The following RFX4 variants were observed in gnomAD, a reference collection of about 807,000 sequenced individuals.
RFX4 encodes the protein transcription factor RFX4.
A neutral mutation model predicts 95.0 loss-of-function variants in RFX4; 10 were observed. That is an observed-to-expected ratio of 0.11 (90% CI 0.06 to 0.18). RFX4 has a LOEUF of 0.18. Among genes scored for constraint, RFX4 ranks in the 10% least tolerant of loss-of-function variants. The pLI is 1.00. For synonymous variants in RFX4, 321 were observed against 340.7 expected (o/e 0.94, Z 0.64); for missense variants, 640 against 922.0 (o/e 0.69, Z 3.96).
rs904749441 is a variant in RFX4, at chr12:106,583,246, C to T, written c.-75C>T. Reference sequence around the variant, plus strand: ...TCTCCCTCCCTCCCTCCCTTCCTCCCTGGGCATCTCTAGCACAGGGGATCC... The same window carrying T: ...TCTCCCTCCCTCCCTCCCTTCCTCCTTGGGCATCTCTAGCACAGGGGATCC... On this transcript the variant is annotated 5_prime_UTR_variant, in exon 1 of 18. Transcript: ENST00000392842. 7.2e-7 allele frequency: 1 copy of T among 1,392,186 alleles called. No individual in the cohort carries two copies. The highest frequency in any genetic ancestry group is 9.7e-7 in the Non-Finnish European group (1 of 1,028,154). 86.2% of individuals were successfully genotyped at this position (1,392,186 alleles called of 1,614,324 possible). A position where few individuals can be genotyped will look rare whatever the true frequency, so the allele number is the denominator to read the frequency against.
At chr12:106,760,874 AAC>A (rs1428262108) in intron 17 of RFX4, among the ~76,000 whole-genome samples, 1 of 152,042 alleles carries the variant, frequency 6.6e-6, no homozygotes, top group Admixed American at 6.5e-5. Context: ...GTGTGTGACA[AAC>A]ACACACTTTC....
chr12:106,693,464 G>T (rs1181756590), intron 7 of RFX4, among the ~76,000 whole-genome samples: 1 of 152,156 alleles, frequency 6.6e-6, no homozygotes, highest in East Asian at 1.9e-4. Flanking sequence ...AGGGGGTACG[G>T]CTGCCTGCAA....
chr12:106,686,801 G>T, intron 5 of RFX4, 83 bp from the exon 6 acceptor site: 1 of 1,353,136 alleles, frequency 7.4e-7, no homozygotes, highest in East Asian at 2.3e-5. Flanking sequence ...TCCCTACTCA[G>T]GAAACCTCAC....
chr12:106,647,526 C>G (rs1263146641), intron 3 of RFX4, among the ~76,000 whole-genome samples: 1 of 151,912 alleles, frequency 6.6e-6, no homozygotes, highest in Non-Finnish European at 1.5e-5. Flanking sequence ...AATAAAATAC[C>G]AGAATCCCTT....
At chr12:106,607,537 C>A (rs2039862839) in intron 1 of RFX4, among the ~76,000 whole-genome samples, 1 of 109,144 alleles carries the variant, frequency 9.2e-6, no homozygotes, top group Admixed American at 1.5e-4. Flanking sequence ...TGAGTGTGTT[C>A]TGCATATTTC....
intron 5 of RFX4, 75 bp from the exon 6 acceptor site, chr12:106,686,809 C>T: frequency 7.1e-7 from 1 of 1,406,612 alleles, no homozygotes; most frequent in South Asian, 1.3e-5. Context: ...CAGGAAACCT[C>T]ACTTAATAAC....
Position 106,607,787 on chromosome 12 carries a change from A to G in RFX4, c.44-1010A>G, listed in dbSNP as rs117854928. Reference sequence around the variant, plus strand: ...GATGAATGAATGAATGAATGAATGAATGGTGGGTGGTCTAGAAAACAGAAT... The same window carrying G: ...GATGAATGAATGAATGAATGAATGAGTGGTGGGTGGTCTAGAAAACAGAAT... On this transcript the variant is annotated intron_variant, in intron 1 of 17. Transcript: ENST00000392842. 7.9e-4 allele frequency among the ~76,000 whole-genome samples: 118 copies of G among 149,564 alleles called. No individual in the cohort carries two copies. In the East Asian group the frequency reaches 0.022, roughly 27 times the overall value.
At chr12:106,597,496 A>G (rs1399730158) in intron 1 of RFX4, among the ~76,000 whole-genome samples, 1 of 152,212 alleles carries the variant, frequency 6.6e-6, no homozygotes, top group Non-Finnish European at 1.5e-5. Context: ...TGCTTAAATC[A>G]TGTAGGCACC....
chr12:106,660,098 G>T (rs978936004), intron 4 of RFX4, among the ~76,000 whole-genome samples: 5 of 152,012 alleles, frequency 3.3e-5, no homozygotes, highest in Non-Finnish European at 5.9e-5. Context: ...CAGCACCCGG[G>T]TTCATCCATT....
At chr12:106,731,984 G>A in intron 13 of RFX4, 146 bp from the exon 14 acceptor site, 1 of 1,165,616 alleles carries the variant, frequency 8.6e-7, no homozygotes, top group Middle Eastern at 2.5e-4. Context: ...TGCAACCTAT[G>A]ACCATGAGGA....
At chr12:106,661,049 C>T (rs1191141532) in intron 4 of RFX4, among the ~76,000 whole-genome samples, 1 of 152,130 alleles carries the variant, frequency 6.6e-6, no homozygotes, top group Non-Finnish European at 1.5e-5. Context: ...TTATTGAGGG[C>T]CCACCATGTG....
At chr12:106,641,522 G>A (rs1375007533) in intron 3 of RFX4, among the ~76,000 whole-genome samples, 1 of 152,168 alleles carries the variant, frequency 6.6e-6, no homozygotes, top group Non-Finnish European at 1.5e-5. Context: ...CCCTGGCATA[G>A]GCACAGCCAG....
intron 6 of RFX4, among the ~76,000 whole-genome samples, chr12:106,687,769 G>A (rs1350781538): frequency 1.3e-5 from 2 of 152,038 alleles, no homozygotes; most frequent in Non-Finnish European, 2.9e-5. Context: ...TCTCTATCAT[G>A]TATGCCTATC....
intron 15 of RFX4, 57 bp from the exon 16 acceptor site, chr12:106,747,380 A>G: frequency 2.5e-6 from 4 of 1,577,942 alleles, no homozygotes; most frequent in Non-Finnish European, 3.5e-6. Flanking sequence ...TAAAGTAAGG[A>G]AGAACAAGGG....
In RFX4 at chr12:106,632,881, G is replaced by A. The variant is rs374177369; in HGVS notation, c.131-6451G>A. ...CACGCCACCGTATCTGGCACTACAGGTGCATGCCACCGTATCTGGCTTGGA... is the reference window on the plus strand; with the variant it reads ...CACGCCACCGTATCTGGCACTACAGATGCATGCCACCGTATCTGGCTTGGA... On this transcript the variant is annotated intron_variant, in intron 2 of 17. Transcript: ENST00000392842. 2.6e-5 allele frequency among the ~76,000 whole-genome samples: 4 copies of A among 152,006 alleles called. No individual in the cohort carries two copies. In the East Asian group the frequency reaches 7.8e-4, roughly 30 times the overall value.
intron 15 of RFX4, among the ~76,000 whole-genome samples, chr12:106,737,456 G>C (rs921349004): frequency 6.6e-6 from 1 of 152,020 alleles, no homozygotes; most frequent in South Asian, 2.1e-4. Flanking sequence ...GTTGGAAGAA[G>C]GGTCAGAGTA....
At chr12:106,588,568 C>T (rs2039495814) in intron 1 of RFX4, among the ~76,000 whole-genome samples, 1 of 152,222 alleles carries the variant, frequency 6.6e-6, no homozygotes, top group Non-Finnish European at 1.5e-5. Flanking sequence ...AGGAGCCCTT[C>T]TCCTTTCCCT....
chr12:106,735,923 G>GT (rs2042701517), intron 15 of RFX4, among the ~76,000 whole-genome samples: 1 of 152,230 alleles, frequency 6.6e-6, no homozygotes, highest in Admixed American at 6.5e-5. Flanking sequence ...GTGGCTGGAA[G>GT]TATCAGGGAA....
intron 4 of RFX4, among the ~76,000 whole-genome samples, chr12:106,668,366 C>T (rs1241207707): frequency 2.0e-5 from 3 of 152,192 alleles, no homozygotes; most frequent in Non-Finnish European, 4.4e-5. Context: ...TTTTCCCTTA[C>T]ATCTCATTGG....
Sources: allele counts gnomAD v4.1 joint callset (sites outside exome capture counted in the v4.1 genomes callset), GRCh38; gene constraint gnomAD v4.1.1; transcripts MANE v1.5; gene names NCBI Gene and HGNC (gene_info 2026-07-23, HGNC 2026-07-21).